SIRT5: variants seen among roughly 807,000 people sequenced by gnomAD.
SIRT5 encodes sirtuin 5, also known as NAD-dependent protein deacylase sirtuin-5, mitochondrial.
A neutral mutation model predicts 40.0 loss-of-function variants in SIRT5; 26 were observed. The observed-to-expected ratio is 0.65, with a 90% CI of 0.48 to 0.90. The LOEUF (loss-of-function observed/expected upper bound fraction) is 0.90. Ranked by LOEUF, SIRT5 falls within the 40% of genes least tolerant of loss-of-function variation. The pLI is 0.00. For synonymous variants in SIRT5, 146 were observed against 149.1 expected, an observed-to-expected ratio of 0.98 and a Z score of 0.15; for missense variants, 401 against 402.4, an observed-to-expected ratio of 1.00 and a Z score of 0.03.
chr6:13,591,229 C>T (rs1482355356), intron 4 of SIRT5, among the ~76,000 whole-genome samples: 2 of 152,146 alleles, frequency 1.3e-5, no homozygotes, highest in Non-Finnish European at 2.9e-5. Context: ...GAGTTTCTCA[C>T]CCATGGTCAT....
chr6:13,597,027 A>C lies in SIRT5; in HGVS notation c.617+11A>C. 6.2e-7 allele frequency: 1 copy of C among 1,609,006 alleles called. No homozygotes were observed. The highest frequency in any genetic ancestry group is 2.2e-5 in the East Asian group (1 of 44,834). On this transcript the variant is annotated intron_variant, in intron 7 of 9. Transcript: ENST00000606117. Reference sequence around the variant, plus strand: ...TGAGAAACTTCCCCGGTAGGTAGAAAACTCTGATTTGTACTGGTGTTCCAG... The same window carrying C: ...TGAGAAACTTCCCCGGTAGGTAGAACACTCTGATTTGTACTGGTGTTCCAG...
chr6:13,584,207 A>T lies in SIRT5; in HGVS notation c.97A>T (p.Met33Leu). The T allele has an allele frequency of 6.2e-7, 1 of 1,614,088 alleles. No homozygotes were observed. The highest frequency in any genetic ancestry group is 8.5e-7 in the Non-Finnish European group (1 of 1,179,942). Residue 33 changes from methionine to leucine, a missense_variant, in exon 3 of 10, where the codon ATG becomes TTG. Transcript: ENST00000606117. ...CACACGAAACCAGATTTGCCTGAAA[A>T]TGGCTCGGCCAAGTTCAAGTAAGTC... is the stretch of plus-strand genomic sequence containing the variant. ...ASTRNQICLKMARPSSSMADF... is the reference protein window; with the variant it reads ...ASTRNQICLKLARPSSSMADF...
chr6:13,588,777 T>C (rs988483554), intron 4 of SIRT5, among the ~76,000 whole-genome samples: 1 of 152,220 alleles, frequency 6.6e-6, no homozygotes, highest in Admixed American at 6.5e-5. Flanking sequence ...TCTAAAATTA[T>C]TGAACTCAAG....
Position 13,591,148 on chromosome 6 carries a change from G to A in SIRT5, c.250-521G>A, listed in dbSNP as rs546640957. Among the ~76,000 whole-genome samples the A allele has an allele frequency of 7.9e-5, 12 of 152,124 alleles. 1 individual carries two copies. The South Asian group carries it at 2.5e-3, about 32-fold the overall frequency. On this transcript the variant is annotated intron_variant, in intron 4 of 9. Transcript: ENST00000606117. The stretch of plus-strand genomic sequence containing the variant: ...TATTGAGTTGTGTGTGTTTAGTTGT[G>A]TGTAGATGTGCGTGTATGTAGATGT...
intron 9 of SIRT5, among the ~76,000 whole-genome samples, chr6:13,609,791 T>C (rs1322849249): frequency 6.6e-6 from 1 of 152,252 alleles, no homozygotes; most frequent in Non-Finnish European, 1.5e-5. Context: ...TTGTTTCCTA[T>C]TAACTTGGCA....
At chr6:13,581,337 G>T (rs921491644) in intron 2 of SIRT5, among the ~76,000 whole-genome samples, 3 of 152,208 alleles carry the variant, frequency 2.0e-5, no homozygotes, top group African/African-American at 7.2e-5. Context: ...GTATTGGCCA[G>T]TTTTGCTGTA....
rs1764195458 is a variant in SIRT5 at position 13,614,581 on chromosome 6, A to G, written c.*2716A>G. ...AAAGTACGTATGTGTATATACCACA[A>G]AACTCGGGTGCATTCTCTAGGGACC... On this transcript the variant is annotated 3_prime_UTR_variant, in exon 10 of 10. Transcript: ENST00000606117. The G allele has an allele frequency of 6.6e-6, 1 of 152,282 alleles. No homozygotes were observed. Among genetic ancestry groups the G allele is most frequent in the South Asian group, 2.1e-4 (1 of 4,836 alleles). 9.4% of individuals were successfully genotyped at this position (152,282 alleles called of 1,614,324 possible).
Position 13,614,992 on chromosome 6 carries a change from C to G in SIRT5, c.*3127C>G, listed in dbSNP as rs1764211718. 4.3e-6 allele frequency: 1 copy of G among 231,014 alleles called. No homozygotes were observed. The highest frequency in any genetic ancestry group is 8.4e-6 in the Non-Finnish European group (1 of 118,740). The allele number at this position is 231,014 out of a possible 1,614,324, so 14.3% of individuals were successfully genotyped here. A position where few individuals can be genotyped will look rare whatever the true frequency, so the allele number is the denominator to read the frequency against. ...AGGGCCAAAAAACGGCGGCGAGCAG[C>G]GCCTCGGGCCCGCGATTACCGGTTT... On this transcript the variant is annotated 3_prime_UTR_variant, in exon 10 of 10. Coordinates refer to ENST00000606117, the MANE Select transcript of SIRT5 (RefSeq NM_012241.5).
In SIRT5 at chr6:13,584,188, A is replaced by T. The variant is rs1249919990; in HGVS notation, c.78A>T (p.Arg26=). 1 of 1,614,094 alleles carries T rather than the reference A, an allele frequency of 6.2e-7. No homozygotes were observed. The highest frequency in any genetic ancestry group is 8.5e-7 in the Non-Finnish European group (1 of 1,180,036). Reference sequence around the variant, plus strand: ...GCCTGAAGCCTCCAGCGTCCACACGAAACCAGATTTGCCTGAAAATGGCTC... The same window carrying T: ...GCCTGAAGCCTCCAGCGTCCACACGTAACCAGATTTGCCTGAAAATGGCTC... ...YCGLKPPAST[R]NQICLKMARP... is the part of the protein sequence containing the mutation. Residue 26 remains arginine (R), a synonymous_variant, in exon 3 of 10, where the codon CGA becomes CGT. Coordinates refer to ENST00000606117, the MANE Select transcript of SIRT5 (RefSeq NM_012241.5).
In SIRT5 at chr6:13,614,094, A is replaced by G. The variant is rs1764158646; in HGVS notation, c.*2229A>G. On this transcript the variant is annotated 3_prime_UTR_variant, in exon 10 of 10. Coordinates refer to ENST00000606117, the MANE Select transcript of SIRT5 (RefSeq NM_012241.5). ...ATGAAAAGAGAATTAAAAATACAAT[A>G]TATGTGTAAGATAGAATTATTCAAC... 6.6e-6 allele frequency: 1 copy of G among 152,230 alleles called. No individual in the cohort carries two copies. Among genetic ancestry groups the G allele is most frequent in the South Asian group, 2.1e-4 (1 of 4,832 alleles). The allele number at this position is 152,230 out of a possible 1,614,324, so 9.4% of individuals were successfully genotyped here.
At chr6:13,583,234 C>T (rs942853693) in intron 2 of SIRT5, among the ~76,000 whole-genome samples, 7 of 149,854 alleles carry the variant, frequency 4.7e-5, no homozygotes, top group African/African-American at 9.8e-5. Context: ...GTACTTTGAC[C>T]GCAAGTTGAG....
Position 13,596,953 on chromosome 6 carries a change from T to C in SIRT5, c.564-10T>C, listed in dbSNP as rs200672924. On this transcript the variant is annotated splice_polypyrimidine_tract_variant and intron_variant, in intron 6 of 9. Coordinates refer to ENST00000606117, the MANE Select transcript of SIRT5 (RefSeq NM_012241.5). ...TAACAATCTTTCTTTTCTAATATTA[T>C]TTACTTCAGTGCTCCAGAACCTGGA... 6 of 1,597,274 alleles carry C rather than the reference T, an allele frequency of 3.8e-6. No homozygotes were observed. The highest frequency in any genetic ancestry group is 5.1e-6 in the Non-Finnish European group (6 of 1,172,484).
chr6:13,579,758 A>G (rs1759094068), intron 2 of SIRT5, 149 bp downstream of exon 2: 1 of 152,230 alleles, frequency 6.6e-6, no homozygotes, highest in African/African-American at 2.4e-5. Context: ...CGATATTTTT[A>G]AAACTTCATG....
intron 4 of SIRT5, among the ~76,000 whole-genome samples, chr6:13,590,525 G>A (rs1760720889): frequency 1.3e-5 from 2 of 150,308 alleles, no homozygotes; most frequent in Admixed American, 6.7e-5. Context: ...GTGTGGTTTT[G>A]TGTGTAGGTG....
At chr6:13,597,792 C>T (rs1449269574) in intron 7 of SIRT5, among the ~76,000 whole-genome samples, 1 of 152,040 alleles carries the variant, frequency 6.6e-6, no homozygotes, top group Admixed American at 6.6e-5. Flanking sequence ...ATGATCCACC[C>T]GCCTCAGCCT....
intron 6 of SIRT5, 63 bp downstream of exon 6, chr6:13,595,627 T>G: frequency 8.4e-7 from 1 of 1,184,614 alleles, no homozygotes; most frequent in Admixed American, 1.8e-5. Flanking sequence ...AACATAAATG[T>G]GAGGAAATTG....
At chr6:13,584,036 G>C in intron 2 of SIRT5, 40 bp from the exon 3 acceptor site, 1 of 872,836 alleles carries the variant, frequency 1.1e-6, no homozygotes, top group Non-Finnish European at 1.8e-6. Flanking sequence ...AATATTTGCT[G>C]ATTGTTTCTA....
chr6:13,588,564 G>T (rs111742640), intron 4 of SIRT5, 100 bp downstream of exon 4: 42 of 1,364,164 alleles, frequency 3.1e-5, no homozygotes, highest in African/African-American at 2.9e-4. Context: ...CAGGGAAATG[G>T]TTTTTAAGTG....
In SIRT5 at chr6:13,600,883, T is replaced by C. The variant is rs201526536; in HGVS notation, c.791T>C (p.Val264Ala). 28 of 1,614,038 alleles carry C rather than the reference T, an allele frequency of 1.7e-5. No homozygotes were observed. The highest frequency in any genetic ancestry group is 3.4e-6 in the Non-Finnish European group (4 of 1,180,032). ...VYPAAMFAPQVAARGVPVAEF... is the reference protein window; with the variant it reads ...VYPAAMFAPQAAARGVPVAEF... ...CCAGCAGCCATGTTTGCCCCCCAGG[T>C]GGCTGCCAGGGGCGTGCCAGTGGCT... The change falls in exon 9 of 10, where the codon GTG becomes GCG. Residue 264 changes from valine to alanine, a missense_variant. Coordinates refer to ENST00000606117, the MANE Select transcript of SIRT5 (RefSeq NM_012241.5).
Sources: allele counts gnomAD v4.1 joint callset (sites outside exome capture counted in the v4.1 genomes callset), GRCh38; gene constraint gnomAD v4.1.1; transcripts MANE v1.5; gene names NCBI Gene and HGNC (gene_info 2026-07-23, HGNC 2026-07-21).